TMEM132C: variants seen among roughly 807,000 people sequenced by gnomAD.
TMEM132C encodes the protein transmembrane protein 132C, also known as protein phosphatase 1, regulatory subunit 152.
A neutral mutation model predicts 61.4 loss-of-function variants in TMEM132C; 29 were observed. The ratio of observed to expected loss-of-function variants is 0.47; its 90% CI spans 0.35 to 0.64. The LOEUF (loss-of-function observed/expected upper bound fraction) is 0.64, where lower values mean the gene tolerates loss of function less well. Among genes scored for constraint, TMEM132C ranks in the 30% least tolerant of loss-of-function variants. The pLI is 0.00. For missense variants in TMEM132C, 1,408 were observed against 1,476.9 expected, an observed-to-expected ratio of 0.95 and a Z score of 0.76; for synonymous variants, 656 against 633.1, an observed-to-expected ratio of 1.04 and a Z score of -0.54.
At chr12:128,423,429 A>C (rs1869060806) in intron 2 of TMEM132C, among the ~76,000 whole-genome samples, 1 of 152,200 alleles carries the variant, frequency 6.6e-6, no homozygotes, top group Non-Finnish European at 1.5e-5. Flanking sequence ...GTTCCAATAA[A>C]CAAACAGGAT....
intron 1 of TMEM132C, among the ~76,000 whole-genome samples, chr12:128,294,487 G>T (rs1871341572): frequency 6.6e-6 from 1 of 152,192 alleles, no homozygotes; most frequent in Non-Finnish European, 1.5e-5. Context: ...GTGGCACTCT[G>T]AGCATGGGAA....
In TMEM132C at chr12:128,415,698, T is replaced by C; in HGVS notation, c.974+78T>C. The C allele has an allele frequency of 7.0e-7, 1 of 1,420,054 alleles. No individual in the cohort carries two copies. The highest frequency in any genetic ancestry group is 9.3e-7 in the Non-Finnish European group (1 of 1,072,160). The allele number at this position is 1,420,054 out of a possible 1,614,324, so 88.0% of individuals were successfully genotyped here. ...GGGTTCCATGCGTGGCAGATAGATA[T>C]TCAGGAAGCATCGATTTTCACTACC... is the stretch of plus-strand genomic sequence containing the variant. On this transcript the variant is annotated intron_variant, in intron 2 of 8. Transcript: ENST00000435159. This position sits in a 1 kb window ranked among gnomAD's most constrained non-coding sequence, Gnocchi z 5.8.
intron 5 of TMEM132C, among the ~76,000 whole-genome samples, chr12:128,690,456 T>C (rs1241865305): frequency 3.3e-5 from 5 of 152,156 alleles, no homozygotes; most frequent in African/African-American, 1.2e-4. Flanking sequence ...TGACGATGGC[T>C]CTATCATGCA....
intron 2 of TMEM132C, among the ~76,000 whole-genome samples, chr12:128,495,593 T>C (rs1425659856): frequency 1.3e-5 from 2 of 152,226 alleles, no homozygotes; most frequent in Admixed American, 1.3e-4. Context: ...GTAATGGCCT[T>C]CTTTGTCTCT....
chr12:128,460,044 T>C (rs1425595630), intron 2 of TMEM132C, among the ~76,000 whole-genome samples: 1 of 152,138 alleles, frequency 6.6e-6, no homozygotes, highest in African/African-American at 2.4e-5. Context: ...TAAAGGTTCA[T>C]ATTAGTAGTT....
At chr12:128,673,526 T>C (rs1314216183) in intron 5 of TMEM132C, among the ~76,000 whole-genome samples, 4 of 152,258 alleles carry the variant, frequency 2.6e-5, no homozygotes, top group Admixed American at 6.5e-5. Context: ...AATGCCTTTA[T>C]CATACTGGGC....
At chr12:128,623,595 TC>T (rs1364659036) in intron 4 of TMEM132C, among the ~76,000 whole-genome samples, 1 of 151,754 alleles carries the variant, frequency 6.6e-6, no homozygotes, top group Admixed American at 6.6e-5. Context: ...TTGCCTGAGC[TC>T]AGGAGTTCGA....
chr12:128,611,495 C>T (rs1228958681), intron 3 of TMEM132C, among the ~76,000 whole-genome samples: 2 of 152,174 alleles, frequency 1.3e-5, no homozygotes, highest in African/African-American at 2.4e-5. Context: ...TAGGGACTGG[C>T]TCCAGCCCCA....
rs1288896084 is a variant in TMEM132C, at chr12:128,267,397, C to T, written c.-6C>T. On this transcript the variant is annotated 5_prime_UTR_variant, in exon 1 of 9. In the 5' UTR this introduces an upstream ATG that the reference lacks. Coordinates refer to ENST00000435159, the MANE Select transcript of TMEM132C (RefSeq NM_001136103.3). ...CGGCGGGCTGCGTGAGCGGCCGGGACGCAGGATGCGCTCCGAGGGTGCGGC... is the reference window on the plus strand; with the variant it reads ...CGGCGGGCTGCGTGAGCGGCCGGGATGCAGGATGCGCTCCGAGGGTGCGGC... 2 of 1,174,314 alleles carry T rather than the reference C, an allele frequency of 1.7e-6. No individual in the cohort carries two copies. Among genetic ancestry groups the T allele is most frequent in the Non-Finnish European group, 2.1e-6 (2 of 952,486 alleles). The allele number at this position is 1,174,314 out of a possible 1,614,324, so 72.7% of individuals were successfully genotyped here.
At chr12:128,541,180 T>C (rs953380783) in intron 2 of TMEM132C, among the ~76,000 whole-genome samples, 1 of 152,148 alleles carries the variant, frequency 6.6e-6, no homozygotes, top group African/African-American at 2.4e-5. Context: ...AAGGATGTTA[T>C]GAAGGATACA....
At chr12:128,350,792 CT>C in intron 1 of TMEM132C, among the ~76,000 whole-genome samples, 1 of 152,120 alleles carries the variant, frequency 6.6e-6, no homozygotes, top group Non-Finnish European at 1.5e-5. Flanking sequence ...TTCCAGCCTC[CT>C]TTGCAACTAG....
At chr12:128,281,385 A>C (rs1333084808) in intron 1 of TMEM132C, among the ~76,000 whole-genome samples, 1 of 152,188 alleles carries the variant, frequency 6.6e-6, no homozygotes, top group Non-Finnish European at 1.5e-5. Flanking sequence ...TGGTGGTTAT[A>C]CTGGCCTGAA....
At chr12:128,547,073 G>A (rs889135250) in intron 3 of TMEM132C, among the ~76,000 whole-genome samples, 5 of 152,202 alleles carry the variant, frequency 3.3e-5, no homozygotes, top group African/African-American at 9.7e-5. Context: ...GGTAGCCGAG[G>A]AGGTCTGATA....
At chr12:128,423,995 C>A (rs146096965) in intron 2 of TMEM132C, among the ~76,000 whole-genome samples, 18 of 136,276 alleles carry the variant, frequency 1.3e-4, no homozygotes, top group Non-Finnish European at 2.3e-4. Flanking sequence ...TGCAGTGAGC[C>A]GAGATCATGC....
intron 1 of TMEM132C, among the ~76,000 whole-genome samples, chr12:128,379,777 G>T (rs573763390): frequency 5.9e-5 from 9 of 152,288 alleles, no homozygotes; most frequent in African/African-American, 2.2e-4. Context: ...CGCCACATTT[G>T]CATGTTCTGG....
chr12:128,475,272 G>A (rs1454677592), intron 2 of TMEM132C, among the ~76,000 whole-genome samples: 2 of 152,072 alleles, frequency 1.3e-5, no homozygotes, highest in Non-Finnish European at 2.9e-5. Flanking sequence ...AATGACTCAG[G>A]CTTACACATA....
chr12:128,382,597 G>A (rs1874437406), intron 1 of TMEM132C, among the ~76,000 whole-genome samples: 1 of 152,158 alleles, frequency 6.6e-6, no homozygotes. Flanking sequence ...TATAAAAAGA[G>A]AGGATCCTAT....
At chr12:128,418,209 G>A (rs936540899) in intron 2 of TMEM132C, among the ~76,000 whole-genome samples, 5 of 152,212 alleles carry the variant, frequency 3.3e-5, no homozygotes, top group Non-Finnish European at 7.3e-5. Flanking sequence ...CCAAACACGT[G>A]TGCAAATGCA....
At chr12:128,288,447 C>T (rs1284055553) in intron 1 of TMEM132C, 2 of 152,814 alleles carry the variant, frequency 1.3e-5, no homozygotes, top group East Asian at 3.9e-4. Context: ...CCTTCCCTCC[C>T]CTGCAGCTGG....
Sources: gnomAD v4.1 joint callset for allele counts (sites outside exome capture counted in the v4.1 genomes callset) on GRCh38, gnomAD v4.1.1 for gene constraint, Gnocchi (gnomAD v3.1) non-coding constraint, MANE v1.5 for transcripts, NCBI Gene and HGNC (gene_info 2026-07-23, HGNC 2026-07-21) for gene names.